The following LYG2 variants were observed in gnomAD, a reference collection of about 807,000 sequenced individuals.
LYG2 encodes lysozyme g2.
Under a neutral mutation model 22.4 loss-of-function variants are expected in LYG2, and 25 were observed. The ratio of observed to expected loss-of-function variants is 1.12; its 90% confidence interval spans 0.81 to 1.56. The LOEUF is 1.56. LYG2 is among the 40% of genes most tolerant of loss of function. LYG2 has a pLI of 0.00. For missense variants in LYG2, 266 were observed against 269.5 expected, an observed-to-expected ratio of 0.99 and a Z score of 0.09; for synonymous variants, 88 against 97.0, an observed-to-expected ratio of 0.91 and a Z score of 0.55.
At chr2:99,253,936 C>G (rs767833911) in intron 3 of LYG2, among the ~76,000 whole-genome samples, 5 of 152,154 alleles carry the variant, frequency 3.3e-5, no homozygotes, top group Non-Finnish European at 5.9e-5. Context: ...CCATATACCT[C>G]TCGGTAAGGT....
At chr2:99,247,990 A>G (rs2094019304) in intron 3 of LYG2, among the ~76,000 whole-genome samples, 1 of 152,254 alleles carries the variant, frequency 6.6e-6, no homozygotes, top group Non-Finnish European at 1.5e-5. Flanking sequence ...AATGCTCACC[A>G]TCACTGGCTA....
rs755156649 is a variant in LYG2 at position 99,254,220 on chromosome 2, A to G, written c.41T>C (p.Ile14Thr). 11 of 1,613,840 alleles carry G rather than the reference A, an allele frequency of 6.8e-6. No individual in the cohort carries two copies. The highest frequency in any genetic ancestry group is 4.0e-5 in the African/African-American group (3 of 74,934). ...SVVFWGLIAL[I>T]GTSRGSYPFS... ...CTAAATCTCAGCCAGTGACTTACCA[A>G]TGAGGGCAATTAGTCCCCAAAACAC... is the stretch of plus-strand genomic sequence containing the variant. The change falls in exon 3 of 7, where the codon ATT becomes ACT. Residue 14 changes from isoleucine to threonine, a missense_variant and splice_region_variant. Transcript: ENST00000333017.
intron 3 of LYG2, among the ~76,000 whole-genome samples, chr2:99,252,769 G>A (rs192893792): frequency 9.9e-5 from 15 of 151,846 alleles, no homozygotes; most frequent in Admixed American, 8.5e-4. Flanking sequence ...TCACTGGGCC[G>A]GGCGTGGTGG....
intron 3 of LYG2, among the ~76,000 whole-genome samples, chr2:99,252,890 C>CA (rs533844421): frequency 2.0e-5 from 3 of 151,570 alleles, no homozygotes; most frequent in Non-Finnish European, 2.9e-5. Flanking sequence ...ACTAAAAATA[C>CA]AAAAAAATTA....
chr2:99,245,299 C>T lies in LYG2; in HGVS notation c.344G>A (p.Gly115Asp). The T allele has an allele frequency of 6.2e-7, 1 of 1,609,046 alleles. No homozygotes were observed. The highest frequency in any genetic ancestry group is 8.5e-7 in the Non-Finnish European group (1 of 1,177,492). The part of the protein sequence containing the change: ...ESHGGSVLQD[G>D]WDHRGLKFGL... ...AAATTTAAGTCCCCTGTGGTCCCAG[C>T]CGTCTTGCAGGACAGATCCGCCATG... The change falls in exon 5 of 7, where the codon GGC becomes GAC. Residue 115 changes from glycine (G) to aspartate (D), a missense_variant. By Grantham distance (94) the Gly-to-Asp change is moderately conservative. Coordinates refer to ENST00000333017, the MANE Select transcript of LYG2 (RefSeq NM_175735.4).
intron 4 of LYG2, 107 bp from the exon 5 acceptor site, chr2:99,245,565 G>T: frequency 1.8e-6 from 1 of 545,950 alleles, no homozygotes; most frequent in Non-Finnish European, 2.9e-6. Context: ...GAACCCAGGA[G>T]GAGTTCGAAA....
At chr2:99,258,061 C>T (rs1221773864), upstream of LYG2, among the ~76,000 whole-genome samples, 1 of 152,174 alleles carries the variant, frequency 6.6e-6, no homozygotes, top group Non-Finnish European at 1.5e-5. Flanking sequence ...TCCCCTCGCC[C>T]TCTGCGTCCC....
chr2:99,259,269 G>A (rs182056526), upstream of LYG2, among the ~76,000 whole-genome samples: 35 of 151,806 alleles, frequency 2.3e-4, no homozygotes, highest in Admixed American at 1.8e-3. Context: ...CAGATTGTAA[G>A]TTCTGCAAAG....
upstream of LYG2, among the ~76,000 whole-genome samples, chr2:99,259,797 AT>A (rs1463591152): frequency 2.6e-5 from 4 of 152,090 alleles, no homozygotes; most frequent in East Asian, 1.9e-4. Flanking sequence ...TTTAAAAAAA[AT>A]ATTTATTTAT....
chr2:99,243,622 ACCT>A, intron 6 of LYG2: 1 of 925,084 alleles, frequency 1.1e-6, no homozygotes, highest in Non-Finnish European at 1.6e-6. Context: ...TGCAGCCTTA[ACCT>A]CCCAGGCACA....
upstream of LYG2, among the ~76,000 whole-genome samples, chr2:99,260,035 C>T (rs2094044397): frequency 1.3e-5 from 2 of 150,412 alleles, no homozygotes; most frequent in East Asian, 2.0e-4. Context: ...GATCTCGGAT[C>T]ACTGCAACTT....
chr2:99,244,194 C>T (rs180916933), intron 5 of LYG2, 57 bp from the exon 6 acceptor site: 3 of 1,557,672 alleles, frequency 1.9e-6, no homozygotes, highest in East Asian at 2.3e-5. Context: ...TTTTTTCTGC[C>T]ATTCCTAATT....
chr2:99,243,512 A>AGATG lies in LYG2; in HGVS notation c.520+486_520+487insCATC, dbSNP rs1327305865. 3 of 1,508,436 alleles carry AGATG rather than the reference A, an allele frequency of 2.0e-6. No individual in the cohort carries two copies. The Admixed American group carries it at 6.7e-5, about 33-fold the overall frequency. The allele number at this position is 1,508,436 out of a possible 1,614,324, so 93.4% of individuals were successfully genotyped here. On this transcript the variant is annotated intron_variant, in intron 6 of 6. Transcript: ENST00000333017. Reference sequence around the variant, plus strand: ...CAAACAGATAGATAGATAGATAGATAGATAGATAGATAGATAGATAGATAG... The same window carrying AGATG: ...CAAACAGATAGATAGATAGATAGATAGATGGATAGATAGATAGATAGATAGATAG...
At chr2:99,253,655 T>G (rs1192283015) in intron 3 of LYG2, among the ~76,000 whole-genome samples, 3 of 152,084 alleles carry the variant, frequency 2.0e-5, no homozygotes, top group African/African-American at 7.2e-5. Context: ...ACCCAAAGAC[T>G]TTTCATTCAT....
At chr2:99,244,504 C>T (rs555995109) in intron 5 of LYG2, among the ~76,000 whole-genome samples, 1 of 152,188 alleles carries the variant, frequency 6.6e-6, no homozygotes, top group East Asian at 1.9e-4. Flanking sequence ...AATTTAAAAT[C>T]GAGCCTGGAA....
chr2:99,249,988 C>T (rs577105111), intron 3 of LYG2, among the ~76,000 whole-genome samples: 2 of 152,172 alleles, frequency 1.3e-5, no homozygotes, highest in African/African-American at 4.8e-5. Context: ...TGGCTTTCTC[C>T]TCCTTTAGGG....
At chr2:99,243,949 G>A (rs765673418) in intron 6 of LYG2, 50 bp downstream of exon 6, 1 of 1,610,040 alleles carries the variant, frequency 6.2e-7, no homozygotes, top group South Asian at 1.1e-5. Context: ...CTGGCCTTCA[G>A]TGGTCTCATT....
chr2:99,248,811 G>T (rs1460602515), intron 3 of LYG2, among the ~76,000 whole-genome samples: 1 of 151,158 alleles, frequency 6.6e-6, no homozygotes, highest in Admixed American at 6.6e-5. Context: ...TGTTTAGAAA[G>T]ATAAGAAAGA....
chr2:99,260,807 A>G, the LYG2 span, among the ~76,000 whole-genome samples: 1 of 152,344 alleles, frequency 6.6e-6, no homozygotes, highest in South Asian at 2.1e-4. Flanking sequence ...ACAGAAAGAA[A>G]AGAGAAAAAA....
Sources: allele counts gnomAD v4.1 joint callset (sites outside exome capture counted in the v4.1 genomes callset), GRCh38; gene constraint gnomAD v4.1.1; transcripts MANE v1.5; gene names NCBI Gene and HGNC (gene_info 2026-07-23, HGNC 2026-07-21).